The following BMS1 variants were observed in gnomAD, a reference collection of about 807,000 sequenced individuals.
BMS1 encodes the protein BMS1 ribosome biogenesis factor.
A neutral mutation model predicts 138.7 loss-of-function variants in BMS1; 53 were observed. The observed-to-expected ratio is 0.38, with a 90% confidence interval of 0.31 to 0.48. BMS1 has a LOEUF of 0.48. Ranked by LOEUF, BMS1 falls within the 20% of genes least tolerant of loss-of-function variation. The pLI, the probability that BMS1 is intolerant of heterozygous loss-of-function variation, is 0.97. For synonymous variants in BMS1, 504 were observed against 539.9 expected (o/e 0.93, Z 0.92); for missense variants, 1,360 against 1,565.5 (o/e 0.87, Z 2.22).
intron 13 of BMS1, among the ~76,000 whole-genome samples, chr10:42,806,687 A>T (rs563908751): frequency 6.7e-6 from 1 of 149,212 alleles, no homozygotes; most frequent in Non-Finnish European, 1.5e-5. Flanking sequence ...GTAAGCTGAG[A>T]TCGCGCCACT....
At chr10:42,818,785 G>A (rs184539834) in intron 15 of BMS1, among the ~76,000 whole-genome samples, 1 of 152,254 alleles carries the variant, frequency 6.6e-6, no homozygotes, top group East Asian at 1.9e-4. Context: ...AGTGAGTGCA[G>A]AGTGAGTGGG....
chr10:42,793,022 CAAA>C lies in BMS1; in HGVS notation c.969_971del (p.Lys325del), dbSNP rs776733145. 6 of 1,613,732 alleles carry C rather than the reference CAAA, an allele frequency of 3.7e-6. No homozygotes were observed. In the Admixed American group the frequency reaches 5.0e-5, roughly 13 times the overall value. On this transcript the variant is annotated inframe_deletion, in exon 8 of 23. Coordinates refer to ENST00000374518, the MANE Select transcript of BMS1 (RefSeq NM_014753.4). ...AGACCCTTGCGCTCTTCCTGAACAACAAAAGAAGCGCTGTTTAAATGAGAAGGA... is the reference window on the plus strand; with the variant it reads ...AGACCCTTGCGCTCTTCCTGAACAACAGAAGCGCTGTTTAAATGAGAAGGA...
At chr10:42,825,031 C>T (rs1267824228) in intron 21 of BMS1, among the ~76,000 whole-genome samples, 1 of 151,522 alleles carries the variant, frequency 6.6e-6, no homozygotes, top group Non-Finnish European at 1.5e-5. Context: ...TTTTTTGAGG[C>T]AAAGTCTCAC....
intron 9 of BMS1, among the ~76,000 whole-genome samples, chr10:42,794,764 CT>C (rs200428735): frequency 0.016 from 2,274 of 146,084 alleles, 31 homozygotes; most frequent in African/African-American, 0.046. Context: ...TCATTTCCTT[CT>C]TTTTTTTTTT....
In BMS1 at chr10:42,831,253, C is replaced by A; in HGVS notation, c.*157C>A. The stretch of plus-strand genomic sequence containing the variant: ...AGGAGGAGGAACAGAGAAGCCTGGG[C>A]TGCTGGGACTGGGTTCATTCTCATG... On this transcript the variant is annotated 3_prime_UTR_variant, in exon 23 of 23. Transcript: ENST00000374518. The A allele has an allele frequency of 1.3e-6, 1 of 762,798 alleles. No homozygotes were observed. Among genetic ancestry groups the A allele is most frequent in the Non-Finnish European group, 2.1e-6 (1 of 477,606 alleles). The allele number at this position is 762,798 out of a possible 1,614,324, so 47.3% of individuals were successfully genotyped here.
chr10:42,829,915 C>T (rs1228612204), intron 21 of BMS1, among the ~76,000 whole-genome samples: 1 of 152,166 alleles, frequency 6.6e-6, no homozygotes, highest in Non-Finnish European at 1.5e-5. Context: ...ATAAGCACCT[C>T]AGTGGCCCAA....
Position 42,793,003 on chromosome 10 carries a change from T to C in BMS1, c.948T>C (p.Pro316=), listed in dbSNP as rs1564411327. 1 of 1,613,944 alleles carries C rather than the reference T, an allele frequency of 6.2e-7. No individual in the cohort carries two copies. Among genetic ancestry groups the C allele is most frequent in the Non-Finnish European group, 8.5e-7 (1 of 1,179,944 alleles). ...AVSDISFLPD[P]CALPEQQKKR... Reference sequence around the variant, plus strand: ...GTGACATCAGTTTCCTCCCAGACCCTTGCGCTCTTCCTGAACAACAAAAGA... The same window carrying C: ...GTGACATCAGTTTCCTCCCAGACCCCTGCGCTCTTCCTGAACAACAAAAGA... Residue 316 remains proline, a synonymous_variant, in exon 8 of 23, where the codon CCT becomes CCC. Coordinates refer to ENST00000374518, the MANE Select transcript of BMS1 (RefSeq NM_014753.4).
chr10:42,830,236 TCA>T (rs1324763761), intron 21 of BMS1, 23 bp from the exon 22 acceptor site: 3 of 1,607,380 alleles, frequency 1.9e-6, no homozygotes, highest in Non-Finnish European at 2.5e-6. Context: ...TTTGAATATG[TCA>T]CAGTCTTTGT....
At chr10:42,798,252 C>A (rs1490560327) in intron 11 of BMS1, among the ~76,000 whole-genome samples, 1 of 152,182 alleles carries the variant, frequency 6.6e-6, no homozygotes, top group Admixed American at 6.5e-5. Context: ...AGCACAGGAG[C>A]CCCACACATG....
chr10:42,825,341 A>G (rs562347953), intron 21 of BMS1, among the ~76,000 whole-genome samples: 4 of 152,238 alleles, frequency 2.6e-5, no homozygotes, highest in Non-Finnish European at 5.9e-5. Context: ...AAGAATGCCA[A>G]CAGAACTTTG....
chr10:42,798,512 C>T lies in BMS1; in HGVS notation c.2134C>T (p.Leu712Phe), dbSNP rs746672042. The T allele has an allele frequency of 6.2e-7, 1 of 1,614,212 alleles. No homozygotes were observed. Among genetic ancestry groups the T allele is most frequent in the Non-Finnish European group, 8.5e-7 (1 of 1,180,034 alleles). Residue 712 changes from leucine to phenylalanine, a missense_variant, in exon 12 of 23, where the codon CTT becomes TTT. Around this residue, in one of 3 missense-constraint regions of BMS1, gnomAD observed 697 missense variants for 686.2 expected, o/e 1.02. Transcript: ENST00000374518. ...EEEDDDTLEE[L>F]GGLFRVNQPD... is the part of the protein sequence containing the mutation. ...AGAAGATGATGATACTCTAGAAGAG[C>T]TTGGAGGGTTGTTTCGTGTCAACCA... is the stretch of plus-strand genomic sequence containing the variant.
intron 9 of BMS1, 61 bp downstream of exon 9, chr10:42,794,052 A>G (rs1264439378): frequency 2.6e-6 from 4 of 1,567,142 alleles, no homozygotes; most frequent in Non-Finnish European, 2.6e-6. Flanking sequence ...CATATCACCC[A>G]TAATTCAGCC....
chr10:42,800,782 C>A (rs1040855864), intron 12 of BMS1, among the ~76,000 whole-genome samples: 12 of 152,264 alleles, frequency 7.9e-5, no homozygotes, highest in African/African-American at 2.9e-4. Flanking sequence ...GTGCCTCGGC[C>A]TCCCAAAGTG....
chr10:42,821,094 T>C, intron 18 of BMS1, 102 bp downstream of exon 18: 1 of 981,888 alleles, frequency 1.0e-6, no homozygotes, highest in Non-Finnish European at 1.6e-6. Flanking sequence ...TTACTCATTT[T>C]TATTAATACA....
chr10:42,826,572 C>G (rs1358812756), intron 21 of BMS1, among the ~76,000 whole-genome samples: 1 of 152,318 alleles, frequency 6.6e-6, no homozygotes. Flanking sequence ...TACTTCTCTC[C>G]CTGGGGAGGC....
chr10:42,811,573 G>A (rs1256304650), intron 13 of BMS1, among the ~76,000 whole-genome samples: 1 of 125,714 alleles, frequency 8.0e-6, no homozygotes, highest in Non-Finnish European at 1.6e-5. Context: ...CGCCCAGGCT[G>A]GAGTGCAGTG....
At chr10:42,816,324 A>G (rs1842349237) in intron 13 of BMS1, among the ~76,000 whole-genome samples, 1 of 152,086 alleles carries the variant, frequency 6.6e-6, no homozygotes. Context: ...AAAACAAAAG[A>G]GTGTCCATTG....
chr10:42,823,082 T>G lies in BMS1; in HGVS notation c.3133-36T>G, dbSNP rs534271317. The G allele has an allele frequency of 1.7e-5, 25 of 1,472,434 alleles. No homozygotes were observed. The South Asian group carries it at 3.6e-4, about 21-fold the overall frequency. The allele number at this position is 1,472,434 out of a possible 1,614,324, so 91.2% of individuals were successfully genotyped here. A position where few individuals can be genotyped will look rare whatever the true frequency, so the allele number is the denominator to read the frequency against. On this transcript the variant is annotated intron_variant, in intron 19 of 22. Coordinates refer to ENST00000374518, the MANE Select transcript of BMS1 (RefSeq NM_014753.4). Reference sequence around the variant, plus strand: ...GAAGTAAAGCATAAAGTATATGATTTTGTGTGTGTGTGTTTTTATCTTGCT... The same window carrying G: ...GAAGTAAAGCATAAAGTATATGATTGTGTGTGTGTGTGTTTTTATCTTGCT...
At chr10:42,817,831 G>A (rs533953948) in intron 15 of BMS1, among the ~76,000 whole-genome samples, 66 of 152,296 alleles carry the variant, frequency 4.3e-4, no homozygotes, top group African/African-American at 1.5e-3. Context: ...AAGCATTGGC[G>A]GCCTATTCCA....
Sources: gnomAD v4.1 joint callset for allele counts (sites outside exome capture counted in the v4.1 genomes callset) on GRCh38, gnomAD v4.1.1 for gene constraint, gnomAD v4.1.1 regional missense constraint, MANE v1.5 for transcripts, NCBI Gene and HGNC (gene_info 2026-07-23, HGNC 2026-07-21) for gene names.